Variants in ACAD10 observed in about 807,000 individuals in gnomAD.
ACAD10 encodes the protein acyl-CoA dehydrogenase family member 10.
A neutral mutation model predicts 116.8 loss-of-function variants in ACAD10; 112 were observed. The observed-to-expected ratio is 0.96, with a 90% CI of 0.82 to 1.12. ACAD10 has a LOEUF of 1.12. Ranked by LOEUF, ACAD10 falls within the 50% of genes most tolerant of loss-of-function variation. The pLI is 0.00. For missense variants in ACAD10, 1,259 were observed against 1,350.2 expected, an observed-to-expected ratio of 0.93 and a Z score of 1.06; for synonymous variants, 486 against 510.6, an observed-to-expected ratio of 0.95 and a Z score of 0.65.
chr12:111,749,086 C>T (rs1240861142), intron 17 of ACAD10, 87 bp from the exon 18 acceptor site: 3 of 1,613,420 alleles, frequency 1.9e-6, no homozygotes, highest in African/African-American at 1.3e-5. Flanking sequence ...ACATTGCCAG[C>T]AGATAACCCA....
chr12:111,689,323 A>T (rs1887972822), intron 1 of ACAD10, among the ~76,000 whole-genome samples: 1 of 151,834 alleles, frequency 6.6e-6, no homozygotes, highest in African/African-American at 2.4e-5. Context: ...GTTAACCTGT[A>T]TTTTTTGTTT....
rs372804723 is a variant in ACAD10, at chr12:111,753,741, G to A, written c.2818-31G>A. On this transcript the variant is annotated intron_variant, in intron 18 of 20. Coordinates refer to ENST00000313698, the MANE Select transcript of ACAD10 (RefSeq NM_025247.6). ...CTCGTGGCCACCCCCAGCCCAGCAT[G>A]TCCTCAGCCGCACATCTCCTGTGTC... 3.7e-5 allele frequency: 60 copies of A among 1,613,496 alleles called. No homozygotes were observed. The African/African-American group carries it at 6.9e-4, about 19-fold the overall frequency.
chr12:111,702,054 C>G, intron 2 of ACAD10, 108 bp from the exon 3 acceptor site: 1 of 1,209,524 alleles, frequency 8.3e-7, no homozygotes, highest in Non-Finnish European at 1.2e-6. Context: ...CAGCATCCAC[C>G]CTGGCAGTAC....
intron 3 of ACAD10, among the ~76,000 whole-genome samples, chr12:111,703,065 C>T (rs907534604): frequency 4.2e-5 from 6 of 142,948 alleles, no homozygotes; most frequent in African/African-American, 7.9e-5. Flanking sequence ...GCTTGGGCAA[C>T]GTAACAAGAC....
At chr12:111,698,043 A>T (rs1180093582) in intron 2 of ACAD10, among the ~76,000 whole-genome samples, 11 of 138,932 alleles carry the variant, frequency 7.9e-5, no homozygotes, top group African/African-American at 3.0e-4. Flanking sequence ...CACCCAGGCT[A>T]GAGTGCAGTG....
At chr12:111,714,014 A>T (rs1208928457) in intron 6 of ACAD10, among the ~76,000 whole-genome samples, 1 of 151,548 alleles carries the variant, frequency 6.6e-6, no homozygotes, top group Non-Finnish European at 1.5e-5. Flanking sequence ...GGAGGCCGAG[A>T]TGGGCGGATC....
rs2068074007 is a variant in ACAD10, at chr12:111,755,671, G to A, written c.2965G>A (p.Ala989Thr). 5 of 1,613,572 alleles carry A rather than the reference G, an allele frequency of 3.1e-6. No individual in the cohort carries two copies. The highest frequency in any genetic ancestry group is 4.2e-6 in the Non-Finnish European group (5 of 1,179,770). ...HLMDLAGNKA[A>T]ALDIAMIKMV... Reference sequence around the variant, plus strand: ...TCGCATCTCCTCCTCCTTACAGGCTGCAGCCTTGGATATAGCCATGATTAA... The same window carrying A: ...TCGCATCTCCTCCTCCTTACAGGCTACAGCCTTGGATATAGCCATGATTAA... Residue 989 changes from alanine (A) to threonine (T), a missense_variant, in exon 20 of 21, where the codon GCA (alanine) becomes ACA (threonine). Ala to Thr is a moderately conservative substitution (Grantham distance 58). Transcript: ENST00000313698.
At chr12:111,746,993 C>G in intron 14 of ACAD10, 56 bp from the exon 15 acceptor site, 1 of 1,519,338 alleles carries the variant, frequency 6.6e-7, no homozygotes, top group East Asian at 2.3e-5. Flanking sequence ...GAGCTTGACT[C>G]TGTTTTTTTT....
chr12:111,721,689 A>C lies in ACAD10; in HGVS notation c.1011A>C (p.Ala337=), dbSNP rs1889018440. 2 of 1,605,718 alleles carry C rather than the reference A, an allele frequency of 1.2e-6. No individual in the cohort carries two copies. Among genetic ancestry groups the C allele is most frequent in the Non-Finnish European group, 1.7e-6 (2 of 1,173,346 alleles). The change falls in exon 8 of 21, where the codon GCA becomes GCC. Residue 337 remains alanine (A), a synonymous_variant. Coordinates refer to ENST00000313698, the MANE Select transcript of ACAD10 (RefSeq NM_025247.6). ...CTTGCAGGATTATGAAAGCCCTTGC[A>C]AATGCTGGAGTACCTGTCCCTAACG... ...EREFRIMKAL[A]NAGVPVPNVL...
At chr12:111,748,536 G>A (rs1889982690) in intron 17 of ACAD10, 61 bp downstream of exon 17, 1 of 1,591,400 alleles carries the variant, frequency 6.3e-7, no homozygotes, top group Non-Finnish European at 8.6e-7. Flanking sequence ...AAACACCACT[G>A]AGGGGCCCCT....
intron 2 of ACAD10, among the ~76,000 whole-genome samples, chr12:111,693,355 A>G (rs1258434935): frequency 6.6e-6 from 1 of 152,150 alleles, no homozygotes; most frequent in African/African-American, 2.4e-5. Flanking sequence ...CCTGAGCAAC[A>G]TAGTGAGACC....
chr12:111,752,079 G>A (rs998588251), intron 18 of ACAD10, among the ~76,000 whole-genome samples: 16 of 143,358 alleles, frequency 1.1e-4, no homozygotes, highest in Admixed American at 3.4e-4. Flanking sequence ...AAAAAAAGTA[G>A]CCAGGTGTGG....
At chr12:111,721,548 A>G in intron 7 of ACAD10, 123 bp from the exon 8 acceptor site, 1 of 835,508 alleles carries the variant, frequency 1.2e-6, no homozygotes, top group Middle Eastern at 2.5e-4. Context: ...AGCCTGGGTA[A>G]CAGAGCGAGA....
At chr12:111,723,043 G>A (rs1231989164) in intron 8 of ACAD10, among the ~76,000 whole-genome samples, 10 of 147,324 alleles carry the variant, frequency 6.8e-5, no homozygotes, top group Non-Finnish European at 1.4e-4. Context: ...CCTCCCGGAC[G>A]GGGCGGCTGG....
chr12:111,721,587 C>T, intron 7 of ACAD10, 84 bp from the exon 8 acceptor site: 1 of 1,332,244 alleles, frequency 7.5e-7, no homozygotes, highest in Non-Finnish European at 1.1e-6. Context: ...AACAAACAAA[C>T]AAACAAAAAA....
At chr12:111,732,981 A>G (rs1400130906) in intron 10 of ACAD10, among the ~76,000 whole-genome samples, 5 of 152,298 alleles carry the variant, frequency 3.3e-5, no homozygotes, top group Admixed American at 2.0e-4. Flanking sequence ...ACTTGCTAGC[A>G]TGCTGGCCCT....
chr12:111,747,808 C>G, intron 16 of ACAD10: 1 of 994,982 alleles, frequency 1.0e-6, no homozygotes, highest in Non-Finnish European at 1.2e-6. Context: ...CTACAAGTAG[C>G]CGTGGAGCTT....
chr12:111,745,377 C>T (rs574413413), intron 13 of ACAD10: 2 of 382,412 alleles, frequency 5.2e-6, no homozygotes, highest in Non-Finnish European at 9.3e-6. Context: ...GCTAATAAAT[C>T]TCTCTCTAGA....
At chr12:111,746,380 A>G (rs2135989415) in intron 14 of ACAD10, 96 bp downstream of exon 14, 3 of 1,349,046 alleles carry the variant, frequency 2.2e-6, no homozygotes, top group Non-Finnish European at 2.9e-6. Context: ...AAGCACTGGC[A>G]TGAACTTGAA....
Sources: allele counts gnomAD v4.1 joint callset (sites outside exome capture counted in the v4.1 genomes callset), GRCh38; gene constraint gnomAD v4.1.1; transcripts MANE v1.5; gene names NCBI Gene and HGNC (gene_info 2026-07-23, HGNC 2026-07-21).